ATP9B: variants seen among roughly 807,000 people sequenced by gnomAD.
The protein encoded by ATP9B is probable phospholipid-transporting ATPase IIB.
In ATP9B, 110 loss-of-function variants were observed where a neutral mutation model predicts 146.1. That is an observed-to-expected ratio of 0.75 (90% CI 0.65 to 0.88). The LOEUF is 0.88. Ranked by LOEUF, ATP9B falls within the 40% of genes least tolerant of loss-of-function variation. The probability of loss-of-function intolerance (pLI) is 0.00; values close to 1 mark genes in which losing one functional copy is unlikely to be tolerated. For synonymous variants in ATP9B, 604 were observed against 569.7 expected (o/e 1.06, Z -0.86); for missense variants, 1,499 against 1,496.4 (o/e 1.00, Z -0.03).
intron 1 of ATP9B, among the ~76,000 whole-genome samples, chr18:79,078,653 G>GTATA (rs1262540012): frequency 3.4e-5 from 5 of 147,982 alleles, no homozygotes; most frequent in Admixed American, 3.4e-4. Context: ...CACTTAAAGT[G>GTATA]TATAGTTCAG....
Position 79,377,952 on chromosome 18 carries a change from C to T in ATP9B, c.*569C>T, listed in dbSNP as rs1369215046. 6.5e-6 allele frequency: 1 copy of T among 153,334 alleles called. No homozygotes were observed. The highest frequency in any genetic ancestry group is 1.5e-5 in the Non-Finnish European group (1 of 68,758). The allele number at this position is 153,334 out of a possible 1,614,324, so 9.5% of individuals were successfully genotyped here. A position where few individuals can be genotyped will look rare whatever the true frequency, so the allele number is the denominator to read the frequency against. On this transcript the variant is annotated 3_prime_UTR_variant, in exon 30 of 30. Coordinates refer to ENST00000426216, the MANE Select transcript of ATP9B (RefSeq NM_198531.5). ...TCAAAATTGTATTTCCATATTGAAG[C>T]AGCTTGAGTTTCTACTGAAAATGAG...
At chr18:79,189,583 T>C (rs2095343155) in intron 8 of ATP9B, among the ~76,000 whole-genome samples, 1 of 152,254 alleles carries the variant, frequency 6.6e-6, no homozygotes, top group Non-Finnish European at 1.5e-5. Context: ...ATATGTATTA[T>C]ATACTGTGTC....
At chr18:79,082,349 A>G (rs931398257) in intron 1 of ATP9B, among the ~76,000 whole-genome samples, 3 of 152,150 alleles carry the variant, frequency 2.0e-5, no homozygotes, top group African/African-American at 7.2e-5. Flanking sequence ...GGGTTAGAAC[A>G]TGCTTCTTTA....
intron 1 of ATP9B, among the ~76,000 whole-genome samples, chr18:79,093,795 GA>G (rs972694355): frequency 2.6e-5 from 4 of 151,980 alleles, no homozygotes; most frequent in African/African-American, 9.7e-5. Flanking sequence ...TTTAAAAAAA[GA>G]AAAAAAGAAC....
chr18:79,091,513 T>G (rs919452291), intron 1 of ATP9B, among the ~76,000 whole-genome samples: 5 of 152,220 alleles, frequency 3.3e-5, no homozygotes, highest in African/African-American at 1.2e-4. Context: ...GTGAAGTTAA[T>G]TCCTAGGTAT....
intron 15 of ATP9B, among the ~76,000 whole-genome samples, chr18:79,314,859 C>T (rs2096670918): frequency 6.6e-6 from 1 of 152,226 alleles, no homozygotes; most frequent in African/African-American, 2.4e-5. Flanking sequence ...GTGGCATGAG[C>T]CCTCGGAGAA....
chr18:79,168,379 T>G (rs557344419), intron 7 of ATP9B, among the ~76,000 whole-genome samples: 214 of 51,860 alleles, frequency 4.1e-3, no homozygotes, highest in South Asian at 0.019. Flanking sequence ...TTTGATTTTG[T>G]TTTTTTTTTT....
intron 11 of ATP9B, among the ~76,000 whole-genome samples, chr18:79,248,810 G>A (rs1018022154): frequency 6.6e-6 from 1 of 152,186 alleles, no homozygotes; most frequent in Non-Finnish European, 1.5e-5. Context: ...GTAAGTACGC[G>A]TGAGTTTTAA....
intron 27 of ATP9B, 41 bp from the exon 28 acceptor site, chr18:79,373,857 C>T (rs1157517910): frequency 6.2e-7 from 1 of 1,604,704 alleles, no homozygotes; most frequent in East Asian, 2.2e-5. Flanking sequence ...CTGGCTTACA[C>T]CCTGCTCGTG....
chr18:79,356,712 G>A (rs1003642104), intron 25 of ATP9B, among the ~76,000 whole-genome samples: 7 of 152,262 alleles, frequency 4.6e-5, no homozygotes, highest in African/African-American at 9.6e-5. Context: ...GATGGGGAAC[G>A]GATTCATGGT....
intron 6 of ATP9B, chr18:79,144,282 T>C (rs1259764902): frequency 3.3e-5 from 5 of 153,164 alleles, no homozygotes; most frequent in African/African-American, 9.6e-5. Context: ...AAATTTCTTA[T>C]ATAAAATTGA....
chr18:79,199,580 T>C (rs1330286667), intron 9 of ATP9B, among the ~76,000 whole-genome samples: 1 of 151,384 alleles, frequency 6.6e-6, no homozygotes, highest in African/African-American at 2.4e-5. Context: ...CTGGCCCATA[T>C]GGTGAAACCC....
At chr18:79,369,488 G>A (rs887540940) in intron 26 of ATP9B, among the ~76,000 whole-genome samples, 4 of 139,332 alleles carry the variant, frequency 2.9e-5, no homozygotes, top group South Asian at 2.2e-4. Context: ...AGCCAAGGTC[G>A]CACCACTGCA....
At chr18:79,196,144 C>T (rs2095415883) in intron 9 of ATP9B, among the ~76,000 whole-genome samples, 1 of 152,208 alleles carries the variant, frequency 6.6e-6, no homozygotes, top group Non-Finnish European at 1.5e-5. Flanking sequence ...AAGAGCAGCA[C>T]AGCCTTTCCA....
At chr18:79,352,514 A>C (rs1177240798) in intron 25 of ATP9B, 5 of 152,256 alleles carry the variant, frequency 3.3e-5, no homozygotes, top group Non-Finnish European at 7.3e-5. Context: ...TTGGATAAGA[A>C]GCTGGGGACA....
intron 12 of ATP9B, among the ~76,000 whole-genome samples, chr18:79,271,641 A>T (rs1232066133): frequency 1.3e-5 from 2 of 151,840 alleles, no homozygotes; most frequent in Non-Finnish European, 2.9e-5. Flanking sequence ...TCTATCACTG[A>T]TGGACATTTG....
chr18:79,249,914 G>A (rs1221743238), intron 11 of ATP9B, among the ~76,000 whole-genome samples: 2 of 152,144 alleles, frequency 1.3e-5, no homozygotes, highest in Non-Finnish European at 2.9e-5. Context: ...TTATATTCCA[G>A]GAACAACAGT....
Position 79,374,903 on chromosome 18 carries a change from G to A in ATP9B, c.3275-491G>A, listed in dbSNP as rs151293652. On this transcript the variant is annotated intron_variant, in intron 28 of 29. Transcript: ENST00000426216. Reference sequence around the variant, plus strand: ...CAGTGCCACAGTGAGCTCACAAAACGACAAAGACATGCATCACGGGCGTGG... The same window carrying A: ...CAGTGCCACAGTGAGCTCACAAAACAACAAAGACATGCATCACGGGCGTGG... 3.0e-4 allele frequency among the ~76,000 whole-genome samples: 46 copies of A among 152,306 alleles called. No individual in the cohort carries two copies. In the East Asian group the frequency reaches 7.5e-3, roughly 25 times the overall value.
At chr18:79,285,565 G>T (rs1016067989) in intron 13 of ATP9B, among the ~76,000 whole-genome samples, 4 of 151,980 alleles carry the variant, frequency 2.6e-5, no homozygotes, top group Non-Finnish European at 5.9e-5. Flanking sequence ...CATTTTGTAG[G>T]TTGCCTGTTC....
Sources: gnomAD v4.1 joint callset for allele counts (sites outside exome capture counted in the v4.1 genomes callset) on GRCh38, gnomAD v4.1.1 for gene constraint, MANE v1.5 for transcripts, NCBI Gene and HGNC (gene_info 2026-07-23, HGNC 2026-07-21) for gene names.